COL3A1: variants seen among roughly 807,000 people sequenced by gnomAD.
The protein encoded by COL3A1 is collagen type III alpha 1 chain.
A neutral mutation model predicts 200.9 loss-of-function variants in COL3A1; 46 were observed. That is an observed-to-expected ratio of 0.23 (90% confidence interval 0.18 to 0.29). COL3A1 has a LOEUF of 0.29. COL3A1 is among the 10% of genes least tolerant of loss of function. The pLI is 1.00. For missense variants in COL3A1, 1,367 were observed against 1,917.6 expected (o/e 0.71, Z 5.36); for synonymous variants, 650 against 628.0 (o/e 1.03, Z -0.52).
chr2:188,994,065 G>A lies in COL3A1; in HGVS notation c.1177G>A (p.Gly393Ser). The A allele has an allele frequency of 6.2e-7, 1 of 1,614,040 alleles. No individual in the cohort carries two copies. The highest frequency in any genetic ancestry group is 8.5e-7 in the Non-Finnish European group (1 of 1,179,970). ...CCCTCCTGGGATTAATGGTAGTCCT[G>A]GTGGTAAAGGCGAAATGGTAAGCTG... ...PGPPGINGSP[G>S]GKGEMGPAGI... The change falls in exon 17 of 51, where the codon GGT (glycine) becomes AGT (serine). Residue 393 changes from glycine to serine, a missense_variant. Physicochemically the swap from Gly to Ser is moderately conservative, Grantham distance 56. Around this residue, in one of 5 missense-constraint regions of COL3A1, gnomAD observed 462 missense variants for 681.4 expected, o/e 0.68. Transcript: ENST00000304636. This position sits in a 1 kb window ranked among gnomAD's most constrained non-coding sequence, Gnocchi z 4.5.
Position 188,994,991 on chromosome 2 carries a change from A to G in COL3A1, c.1456-55A>G. ...TAAAAATATTTGCCACTCAAGAATT[A>G]TGAAAAAGAATTGAAATCCTTTGGA... is the stretch of plus-strand genomic sequence containing the variant. On this transcript the variant is annotated intron_variant, in intron 20 of 50. Transcript: ENST00000304636. This position sits in a 1 kb window ranked among gnomAD's most constrained non-coding sequence, Gnocchi z 4.5. The G allele has an allele frequency of 1.3e-6, 2 of 1,594,212 alleles. No individual in the cohort carries two copies. The highest frequency in any genetic ancestry group is 1.7e-6 in the Non-Finnish European group (2 of 1,161,876).
chr2:188,988,793 T>G, intron 7 of COL3A1, 150 bp downstream of exon 7: 1 of 626,156 alleles, frequency 1.6e-6, no homozygotes, highest in East Asian at 2.8e-5. Context: ...TTGAGTCTTT[T>G]GGACTCTTTC....
Position 188,978,363 on chromosome 2 carries a change from G to A in COL3A1, c.79+3795G>A, listed in dbSNP as rs184056052. Reference sequence around the variant, plus strand: ...TGGCTGTGAGTTTACCAGGATTATAGTTGAGGCTAAAGGACAGCTCCTCAG... The same window carrying A: ...TGGCTGTGAGTTTACCAGGATTATAATTGAGGCTAAAGGACAGCTCCTCAG... On this transcript the variant is annotated intron_variant, in intron 1 of 50. Coordinates refer to ENST00000304636, the MANE Select transcript of COL3A1 (RefSeq NM_000090.4). Among the ~76,000 whole-genome samples, 11 of 152,028 alleles carry A rather than the reference G, an allele frequency of 7.2e-5. 1 individual carries two copies. The highest frequency in any genetic ancestry group is 2.4e-4 in the African/African-American group (10 of 41,520).
At chr2:189,007,011 G>C in intron 44 of COL3A1, 21 bp downstream of exon 44, 1 of 1,597,418 alleles carries the variant, frequency 6.3e-7, no homozygotes, top group Non-Finnish European at 8.5e-7. Context: ...TCATTTTTTG[G>C]TTTTATTTTG....
chr2:189,004,253 T>C lies in COL3A1; in HGVS notation c.2824-4T>C, dbSNP rs1688536906. 6.2e-7 allele frequency: 1 copy of C among 1,601,458 alleles called. No individual in the cohort carries two copies. The stretch of plus-strand genomic sequence containing the variant: ...ATGAGCTAAGTCTTCATTATCTGTA[T>C]TAGGGAGCTCCAGGCCCACTTGGGA... On this transcript the variant is annotated splice_region_variant and splice_polypyrimidine_tract_variant and intron_variant, in intron 39 of 50. Coordinates refer to ENST00000304636, the MANE Select transcript of COL3A1 (RefSeq NM_000090.4).
chr2:188,996,562 T>A, intron 24 of COL3A1, 66 bp downstream of exon 24: 3 of 1,342,244 alleles, frequency 2.2e-6, no homozygotes, highest in South Asian at 1.2e-5. Flanking sequence ...CCATATGGAG[T>A]AAAGAAATGG....
intron 22 of COL3A1, 96 bp from the exon 23 acceptor site, chr2:188,996,029 A>G (rs1303158627): frequency 4.8e-6 from 6 of 1,251,838 alleles, no homozygotes; most frequent in Non-Finnish European, 7.0e-6. Flanking sequence ...GAGGCTTCAC[A>G]TGTAAGTGAA....
At chr2:188,984,618 G>GAAAATGAAT in intron 1 of COL3A1, 142 bp from the exon 2 acceptor site, 2 of 728,692 alleles carry the variant, frequency 2.7e-6, no homozygotes, top group Non-Finnish European at 4.8e-6. Flanking sequence ...CATAGGGCAA[G>GAAAATGAAT]TATAATTTTC....
Position 188,989,465 on chromosome 2 carries a change from T to G in COL3A1, c.690+16T>G, listed in dbSNP as rs1688133333. ...TGGAAAAGATGTAAGTTTTTAAAAC[T>G]TAAATAAGAATACAGCAAAATTTAA... On this transcript the variant is annotated intron_variant, in intron 8 of 50. Coordinates refer to ENST00000304636, the MANE Select transcript of COL3A1 (RefSeq NM_000090.4). 6.3e-7 allele frequency: 1 copy of G among 1,597,694 alleles called. No individual in the cohort carries two copies. Among genetic ancestry groups the G allele is most frequent in the Admixed American group, 1.7e-5 (1 of 59,400 alleles).
chr2:188,976,895 A>G (rs1687831062), intron 1 of COL3A1, among the ~76,000 whole-genome samples: 1 of 152,190 alleles, frequency 6.6e-6, no homozygotes, highest in Non-Finnish European at 1.5e-5. Flanking sequence ...CCATTTACAT[A>G]ACGAATGCCA....
chr2:189,010,368 A>G lies in COL3A1; in HGVS notation c.4011+3A>G, dbSNP rs112254545. 9.3e-6 allele frequency: 15 copies of G among 1,613,942 alleles called. No individual in the cohort carries two copies. The highest frequency in any genetic ancestry group is 1.3e-5 in the African/African-American group (1 of 74,934). ...AGTCCATGGATGGTGGTTTTCAGGT[A>G]GGAAAGGATATACCTTTTTTTAAAT... is the stretch of plus-strand genomic sequence containing the variant. On this transcript the variant is annotated splice_donor_region_variant and intron_variant, in intron 49 of 50. Transcript: ENST00000304636.
intron 32 of COL3A1, 52 bp downstream of exon 32, chr2:188,999,947 C>G (rs377129668): frequency 1.1e-5 from 17 of 1,523,618 alleles, no homozygotes; most frequent in Non-Finnish European, 1.4e-5. Context: ...TCATATGGGA[C>G]AGTCCTGCAC....
chr2:188,992,859 C>A, intron 14 of COL3A1, 28 bp from the exon 15 acceptor site: 1 of 1,605,256 alleles, frequency 6.2e-7, no homozygotes, highest in Non-Finnish European at 8.5e-7. Context: ...TGAAAAAGAG[C>A]TCTTGAAATT....
chr2:189,008,085 T>A lies in COL3A1; in HGVS notation c.3468T>A (p.His1156Gln). 1 of 1,614,032 alleles carries A rather than the reference T, an allele frequency of 6.2e-7. No individual in the cohort carries two copies. The highest frequency in any genetic ancestry group is 8.5e-7 in the Non-Finnish European group (1 of 1,179,930). The change falls in exon 47 of 51, where the codon CAT becomes CAA. Residue 1156 changes from histidine (H) to glutamine (Q), a missense_variant. His to Gln is a conservative substitution (Grantham distance 24). Coordinates refer to ENST00000304636, the MANE Select transcript of COL3A1 (RefSeq NM_000090.4). ...GPPGKDGTSGHPGPIGPPGPR... is the reference protein window; with the variant it reads ...GPPGKDGTSGQPGPIGPPGPR... Reference sequence around the variant, plus strand: ...CTGGCAAAGATGGAACCAGTGGACATCCAGGTCCCATTGGACCACCAGGGC... The same window carrying A: ...CTGGCAAAGATGGAACCAGTGGACAACCAGGTCCCATTGGACCACCAGGGC...
rs1012915558 is a variant in COL3A1 at position 189,010,889 on chromosome 2, C to T, written c.4253C>T (p.Thr1418Met). Reference sequence around the variant, plus strand: ...TACACAGTTCTGGAGGATGGTTGCACGGTAGGAAACATTTTTCTCAATATA... The same window carrying T: ...TACACAGTTCTGGAGGATGGTTGCATGGTAGGAAACATTTTTCTCAATATA... ...FTYTVLEDGCTKHTGEWSKTV... is the reference protein window; with the variant it reads ...FTYTVLEDGCMKHTGEWSKTV... The change falls in exon 50 of 51, where the codon ACG (threonine) becomes ATG (methionine). Residue 1418 changes from threonine (T) to methionine (M), a missense_variant and splice_region_variant. This residue lies in a region of COL3A1 where 846 missense variants were observed against 1,147.9 expected (regional missense o/e 0.74). Coordinates refer to ENST00000304636, the MANE Select transcript of COL3A1 (RefSeq NM_000090.4). The T allele has an allele frequency of 5.0e-6, 8 of 1,613,754 alleles. No homozygotes were observed. Among genetic ancestry groups the T allele is most frequent in the African/African-American group, 1.3e-5 (1 of 74,844 alleles).
intron 31 of COL3A1, 43 bp downstream of exon 31, chr2:188,999,620 T>G (rs781331953): frequency 2.5e-6 from 4 of 1,593,636 alleles, no homozygotes; most frequent in Non-Finnish European, 3.4e-6. Flanking sequence ...AATCAGTCAT[T>G]GTAGGTTTTA....
chr2:189,001,499 T>G, intron 33 of COL3A1, 37 bp from the exon 34 acceptor site: 1 of 1,614,078 alleles, frequency 6.2e-7, no homozygotes. Context: ...CTCTCTCTTT[T>G]GGATGCAAGA....
At chr2:188,977,748 CTATT>C (rs1377716127) in intron 1 of COL3A1, among the ~76,000 whole-genome samples, 25 of 151,892 alleles carry the variant, frequency 1.6e-4, no homozygotes, top group African/African-American at 4.6e-4. Flanking sequence ...AATTTTGTAA[CTATT>C]TGTCATTGAA....
intron 1 of COL3A1, among the ~76,000 whole-genome samples, chr2:188,981,196 TA>T (rs1204397355): frequency 6.6e-6 from 1 of 151,504 alleles, no homozygotes; most frequent in Non-Finnish European, 1.5e-5. Context: ...TCTAAAAATA[TA>T]AAATTATGTT....
Sources: gnomAD v4.1 joint callset for allele counts (sites outside exome capture counted in the v4.1 genomes callset) on GRCh38, gnomAD v4.1.1 for gene constraint, gnomAD v4.1.1 regional missense constraint, Gnocchi (gnomAD v3.1) non-coding constraint, MANE v1.5 for transcripts, NCBI Gene and HGNC (gene_info 2026-07-23, HGNC 2026-07-21) for gene names.